Variants in GALNT13 observed in about 807,000 individuals in gnomAD.
The protein encoded by GALNT13 is polypeptide N-acetylgalactosaminyltransferase 13.
Under a neutral mutation model 64.2 loss-of-function variants are expected in GALNT13, and 28 were observed. The ratio of observed to expected loss-of-function variants is 0.44; its 90% CI spans 0.32 to 0.60. The LOEUF is 0.60. Ranked by LOEUF, GALNT13 falls within the 20% of genes least tolerant of loss-of-function variation. The probability of loss-of-function intolerance (pLI) is 0.05; values close to 1 mark genes in which losing one functional copy is unlikely to be tolerated. For missense variants in GALNT13, 577 were observed against 669.8 expected, an observed-to-expected ratio of 0.86 and a Z score of 1.53; for synonymous variants, 214 against 224.6, an observed-to-expected ratio of 0.95 and a Z score of 0.42.
At chr2:154,166,907 C>T (rs955582157) in intron 4 of GALNT13, among the ~76,000 whole-genome samples, 12 of 151,226 alleles carry the variant, frequency 7.9e-5, no homozygotes, top group African/African-American at 2.7e-4. Flanking sequence ...TGTTCTCACT[C>T]ATAGGTGGGA....
At chr2:154,113,802 G>A (rs1264423883) in intron 3 of GALNT13, among the ~76,000 whole-genome samples, 1 of 152,236 alleles carries the variant, frequency 6.6e-6, no homozygotes, top group African/African-American at 2.4e-5. Context: ...ATACCCCTGA[G>A]GTAGGACAGT....
the GALNT13 span, among the ~76,000 whole-genome samples, chr2:153,718,345 C>G: frequency 6.6e-6 from 1 of 152,010 alleles, no homozygotes; most frequent in Admixed American, 6.6e-5. Context: ...GTCTTGGGTG[C>G]CCTTTAGTGT....
the GALNT13 span, among the ~76,000 whole-genome samples, chr2:153,528,466 A>G: frequency 6.6e-6 from 1 of 151,946 alleles, no homozygotes; most frequent in East Asian, 1.9e-4. Context: ...ACTCCAATAC[A>G]GTAATATCTG....
the GALNT13 span, among the ~76,000 whole-genome samples, chr2:153,630,945 T>C: frequency 6.6e-6 from 1 of 150,946 alleles, no homozygotes; most frequent in Admixed American, 6.6e-5. Context: ...TATCTCCTAG[T>C]GCTATGCCTC....
chr2:153,254,650 G>A, the GALNT13 span, among the ~76,000 whole-genome samples: 5,070 of 152,122 alleles, frequency 0.033, 279 homozygotes, highest in African/African-American at 0.11. Flanking sequence ...ATGTGTCCCA[G>A]AGATTCTGGT....
At chr2:153,910,074 T>C (rs1027166109) in intron 2 of GALNT13, among the ~76,000 whole-genome samples, 2 of 151,966 alleles carry the variant, frequency 1.3e-5, no homozygotes, top group African/African-American at 4.8e-5. Flanking sequence ...AGGCTTTTTT[T>C]TTTTTGGTTG....
chr2:154,437,421 T>C (rs1701034696), intron 11 of GALNT13: 2 of 627,152 alleles, frequency 3.2e-6, no homozygotes, highest in Admixed American at 4.5e-5. Flanking sequence ...TCAGATATCT[T>C]TGAGAAACAA....
the GALNT13 span, among the ~76,000 whole-genome samples, chr2:153,279,320 C>T: frequency 3.9e-5 from 6 of 152,116 alleles, no homozygotes; most frequent in Admixed American, 3.9e-4. Flanking sequence ...TAGTTCCACT[C>T]TCCTTTTTCT....
chr2:153,774,281 T>A, the GALNT13 span, among the ~76,000 whole-genome samples: 5 of 152,232 alleles, frequency 3.3e-5, no homozygotes, highest in African/African-American at 1.2e-4. Context: ...TTGCTAGATA[T>A]TTATGGGCTT....
At chr2:154,042,003 TA>T (rs1410292143) in intron 3 of GALNT13, among the ~76,000 whole-genome samples, 1 of 140,722 alleles carries the variant, frequency 7.1e-6, no homozygotes, top group Non-Finnish European at 1.6e-5. Flanking sequence ...GTGTTTAGTA[TA>T]TTTATTGAAT....
At chr2:154,144,003 C>G (rs185519251) in intron 4 of GALNT13, among the ~76,000 whole-genome samples, 7 of 151,462 alleles carry the variant, frequency 4.6e-5, no homozygotes, top group Non-Finnish European at 1.0e-4. Flanking sequence ...ATGAATAATT[C>G]AAGTTGCTTA....
intron 8 of GALNT13, among the ~76,000 whole-genome samples, chr2:154,282,032 T>C (rs1691989162): frequency 6.6e-6 from 1 of 152,162 alleles, no homozygotes; most frequent in Admixed American, 6.6e-5. Context: ...AAGTACTTGA[T>C]AAGGGAAAAT....
intron 3 of GALNT13, among the ~76,000 whole-genome samples, chr2:154,092,294 T>C (rs1017228354): frequency 6.6e-6 from 1 of 152,040 alleles, no homozygotes; most frequent in Non-Finnish European, 1.5e-5. Context: ...TTAGAGCTAA[T>C]GTTGTTTTAA....
the GALNT13 span, among the ~76,000 whole-genome samples, chr2:153,721,609 G>C: frequency 6.7e-6 from 1 of 149,682 alleles, no homozygotes; most frequent in Non-Finnish European, 1.5e-5. Flanking sequence ...TAAAAGGATG[G>C]AGGAAGATCT....
At chr2:153,765,231 C>G in the GALNT13 span, among the ~76,000 whole-genome samples, 1 of 152,208 alleles carries the variant, frequency 6.6e-6, no homozygotes, top group East Asian at 1.9e-4. Context: ...CCTGGAAAAG[C>G]TGCAGACAAC....
chr2:154,334,138 A>T (rs1296954760), intron 9 of GALNT13, among the ~76,000 whole-genome samples: 1 of 151,968 alleles, frequency 6.6e-6, no homozygotes, highest in African/African-American at 2.4e-5. Flanking sequence ...TACAATTGAC[A>T]TTCTAGAAAA....
chr2:153,672,426 A>G, the GALNT13 span, among the ~76,000 whole-genome samples: 4 of 152,218 alleles, frequency 2.6e-5, no homozygotes. Flanking sequence ...CTACATGGAA[A>G]CTAAACAACC....
chr2:153,080,459 GA>G, the GALNT13 span, among the ~76,000 whole-genome samples: 3 of 152,036 alleles, frequency 2.0e-5, no homozygotes, highest in Admixed American at 1.3e-4. Flanking sequence ...TTAATTTTCA[GA>G]GATAAGGCTC....
At chr2:154,328,653 A>G (rs1695004856) in intron 9 of GALNT13, among the ~76,000 whole-genome samples, 1 of 152,056 alleles carries the variant, frequency 6.6e-6, no homozygotes, top group African/African-American at 2.4e-5. Context: ...ATTTCAACCA[A>G]TCATTCCACG....
Sources: gnomAD v4.1 joint callset for allele counts (sites outside exome capture counted in the v4.1 genomes callset) on GRCh38, gnomAD v4.1.1 for gene constraint, MANE v1.5 for transcripts, NCBI Gene and HGNC (gene_info 2026-07-23, HGNC 2026-07-21) for gene names.